Variants in RELN observed in about 807,000 individuals in gnomAD.
RELN encodes the protein reelin.
RELN carries 108 observed loss-of-function variants against 427.6 expected under a neutral mutation model. That is an observed-to-expected ratio of 0.25 (90% confidence interval 0.22 to 0.30). RELN has a LOEUF of 0.30. RELN is among the 10% of genes least tolerant of loss of function. RELN has a pLI of 1.00. For synonymous variants in RELN, 1,524 were observed against 1,513.4 expected (o/e 1.01, Z -0.16); for missense variants, 3,715 against 4,302.8 (o/e 0.86, Z 3.82).
chr7:103,607,524 A>G (rs362686), intron 22 of RELN, among the ~76,000 whole-genome samples: 1 of 152,186 alleles, frequency 6.6e-6, no homozygotes, highest in African/African-American at 2.4e-5. Context: ...AATCTTGTCC[A>G]CTTTGGATTG....
At chr7:103,896,534 G>A (rs1444664111) in intron 2 of RELN, among the ~76,000 whole-genome samples, 2 of 152,148 alleles carry the variant, frequency 1.3e-5, no homozygotes, top group Middle Eastern at 3.4e-3. Flanking sequence ...TTTACATAAA[G>A]TTCTAGAAAA....
chr7:103,710,264 T>C (rs1789761462), intron 8 of RELN, among the ~76,000 whole-genome samples: 2 of 152,346 alleles, frequency 1.3e-5, no homozygotes, highest in Admixed American at 6.5e-5. Context: ...CTTCATCACG[T>C]TGCCCCTCAT....
chr7:103,910,046 A>G (rs1400971348), intron 2 of RELN, among the ~76,000 whole-genome samples: 5 of 129,024 alleles, frequency 3.9e-5, no homozygotes, highest in Non-Finnish European at 6.3e-5. Flanking sequence ...ACCCATGAGC[A>G]TGGAATGTTC....
Position 103,908,640 on chromosome 7 carries a change from T to C in RELN, c.337+8435A>G, listed in dbSNP as rs190934763. On this transcript the variant is annotated intron_variant, in intron 2 of 64. Transcript: ENST00000428762. Reference sequence around the variant, plus strand: ...GTTAATTAATTCAATAGCTGTATATTTGTCATGCTCACTATTTTAGTAAGC... The same window carrying C: ...GTTAATTAATTCAATAGCTGTATATCTGTCATGCTCACTATTTTAGTAAGC... 1.6e-3 allele frequency among the ~76,000 whole-genome samples: 242 copies of C among 152,310 alleles called. 1 individual carries two copies. Among genetic ancestry groups the C allele is most frequent in the African/African-American group, 5.5e-3 (227 of 41,566 alleles).
rs1204453130 is a variant in RELN, at chr7:103,551,245, C to T, written c.6124G>A (p.Glu2042Lys). The T allele has an allele frequency of 1.2e-6, 2 of 1,614,048 alleles. No homozygotes were observed. Among genetic ancestry groups the T allele is most frequent in the South Asian group, 2.2e-5 (2 of 91,072 alleles). The change falls in exon 41 of 65, where the codon GAA (glutamate) becomes AAA (lysine). Residue 2042 changes from glutamate (E) to lysine (K), a missense_variant. Transcript: ENST00000428762. ...GTCGCCCCGAAGTCCCTTGAAAATT[C>T]CAGTCTCACTGGATCCGCGGATGAG... The part of the protein sequence containing the change: ...DSSSADPVRL[E>K]FSRDFGATWH...
chr7:103,685,600 T>C (rs912662403), intron 10 of RELN, among the ~76,000 whole-genome samples: 5 of 152,170 alleles, frequency 3.3e-5, no homozygotes, highest in Admixed American at 3.3e-4. Context: ...CTAGCACTCC[T>C]AATGTACATT....
chr7:103,664,448 A>C (rs1297027430), intron 11 of RELN, among the ~76,000 whole-genome samples: 1 of 152,216 alleles, frequency 6.6e-6, no homozygotes, highest in Non-Finnish European at 1.5e-5. Flanking sequence ...AATTGAGGGC[A>C]TAGCCAGATC....
At chr7:103,941,840 C>T (rs1227740462) in intron 1 of RELN, among the ~76,000 whole-genome samples, 3 of 151,906 alleles carry the variant, frequency 2.0e-5, no homozygotes, top group East Asian at 1.9e-4. Flanking sequence ...TTCAGGGATC[C>T]GCAGAACACT....
chr7:103,644,465 T>A (rs1043299099), intron 16 of RELN, among the ~76,000 whole-genome samples: 6 of 150,438 alleles, frequency 4.0e-5, no homozygotes, highest in Non-Finnish European at 8.9e-5. Flanking sequence ...AATGAAAAAT[T>A]CATTGAAGGA....
At chr7:103,736,008 G>A (rs1015668037) in intron 6 of RELN, among the ~76,000 whole-genome samples, 3 of 152,192 alleles carry the variant, frequency 2.0e-5, no homozygotes, top group Non-Finnish European at 4.4e-5. Context: ...CTGACCCAAA[G>A]ATAATGTGTC....
intron 6 of RELN, among the ~76,000 whole-genome samples, chr7:103,738,672 CTTTTTTTTTTTTTT>C (rs57390524): frequency 5.0e-4 from 35 of 70,528 alleles, no homozygotes; most frequent in African/African-American, 1.9e-3. Context: ...TCCTTCCTTC[CTTTTTTTTTTTTTT>C]TTTTTTTTTT....
At chr7:103,781,265 GC>G (rs1233932263) in intron 3 of RELN, among the ~76,000 whole-genome samples, 1 of 152,030 alleles carries the variant, frequency 6.6e-6, no homozygotes, top group Non-Finnish European at 1.5e-5. Context: ...TGTATTTAGA[GC>G]TGTCAAATAA....
intron 31 of RELN, 151 bp from the exon 32 acceptor site, chr7:103,566,910 C>A: frequency 1.4e-6 from 1 of 736,024 alleles, no homozygotes; most frequent in Non-Finnish European, 2.3e-6. Flanking sequence ...AATTAGTGGA[C>A]CTGAAGGCTC....
chr7:103,689,860 G>A (rs1476206256), intron 10 of RELN, among the ~76,000 whole-genome samples: 1 of 152,096 alleles, frequency 6.6e-6, no homozygotes, highest in African/African-American at 2.4e-5. Flanking sequence ...TACATCTAAT[G>A]TTTTTCTTTC....
chr7:103,515,304 C>T lies in RELN; in HGVS notation c.8000G>A (p.Arg2667Lys), dbSNP rs371690632. 1.2e-6 allele frequency: 2 copies of T among 1,614,006 alleles called. No homozygotes were observed. Among genetic ancestry groups the T allele is most frequent in the African/African-American group, 1.3e-5 (1 of 74,940 alleles). Reference sequence around the variant, plus strand: ...GCTGAAGGTGTCCAGCATAACGGTCCTTTGGTCAGCAGAGCCTGAGATGAG... The same window carrying T: ...GCTGAAGGTGTCCAGCATAACGGTCTTTTGGTCAGCAGAGCCTGAGATGAG... ...NVLISGSADQ[R>K]TVMLDTFSSA... is the part of the protein sequence containing the mutation. The change falls in exon 50 of 65, where the codon AGG becomes AAG. Residue 2667 changes from arginine (R) to lysine (K), a missense_variant. By Grantham distance (26) the Arg-to-Lys change is conservative. Transcript: ENST00000428762.
intron 17 of RELN, among the ~76,000 whole-genome samples, chr7:103,638,809 C>T (rs964316817): frequency 2.0e-5 from 3 of 152,130 alleles, no homozygotes; most frequent in Admixed American, 6.5e-5. Context: ...CATAAAGCTA[C>T]CATTTAGATT....
intron 51 of RELN, among the ~76,000 whole-genome samples, chr7:103,504,075 G>A (rs745992925): frequency 1.3e-5 from 2 of 152,010 alleles, no homozygotes; most frequent in Non-Finnish European, 2.9e-5. Context: ...ATGGTGGCGT[G>A]CACCTGTAAT....
At chr7:103,666,919 G>C (rs546881398) in intron 11 of RELN, among the ~76,000 whole-genome samples, 4 of 151,992 alleles carry the variant, frequency 2.6e-5, no homozygotes, top group Middle Eastern at 3.2e-3. Flanking sequence ...AGTTCTATCT[G>C]TCATCTGCCA....
intron 49 of RELN, among the ~76,000 whole-genome samples, chr7:103,516,286 C>CTTTTTTT (rs3051646): frequency 7.1e-6 from 1 of 141,134 alleles, no homozygotes. Flanking sequence ...CACAAAGTAT[C>CTTTTTTT]TTTTTTTTTT....
Sources: gnomAD v4.1 joint callset for allele counts (sites outside exome capture counted in the v4.1 genomes callset) on GRCh38, gnomAD v4.1.1 for gene constraint, MANE v1.5 for transcripts, NCBI Gene and HGNC (gene_info 2026-07-23, HGNC 2026-07-21) for gene names.